Variants in ATP1B1 observed in about 807,000 individuals in gnomAD.
ATP1B1 encodes ATPase Na+/K+ transporting subunit beta 1, also known as sodium/potassium-transporting ATPase subunit beta-1.
A neutral mutation model predicts 39.6 loss-of-function variants in ATP1B1; 3 were observed. The observed-to-expected ratio is 0.08, with a 90% confidence interval of 0.03 to 0.20. ATP1B1 has a LOEUF of 0.20. Ranked by LOEUF, ATP1B1 falls within the 10% of genes least tolerant of loss-of-function variation. ATP1B1 has a pLI of 1.00. For synonymous variants in ATP1B1, 139 were observed against 135.0 expected (o/e 1.03, Z -0.20); for missense variants, 216 against 371.1 (o/e 0.58, Z 3.43).
intron 5 of ATP1B1, among the ~76,000 whole-genome samples, chr1:169,130,664 G>A (rs1374951462): frequency 1.3e-5 from 2 of 151,294 alleles, no homozygotes; most frequent in African/African-American, 4.9e-5. Context: ...GCGCGTGCCT[G>A]TAATCCCAGC....
chr1:169,130,851 C>T (rs1658200863), intron 5 of ATP1B1, among the ~76,000 whole-genome samples: 1 of 148,868 alleles, frequency 6.7e-6, no homozygotes, highest in Non-Finnish European at 1.5e-5. Context: ...CCTTTGGATC[C>T]AAAAACTAAT....
At chr1:169,110,821 G>A in intron 1 of ATP1B1, 1 of 535,524 alleles carries the variant, frequency 1.9e-6, no homozygotes, top group Non-Finnish European at 2.8e-6. Flanking sequence ...AAAAAAAACA[G>A]GAGGATATCA....
At position 169,111,510 on chromosome 1, in the gene ATP1B1, A is replaced by G. The variant is rs1657731434; in HGVS notation, c.226+12A>G. 6.2e-7 allele frequency: 1 copy of G among 1,612,342 alleles called. No individual in the cohort carries two copies. Among genetic ancestry groups the G allele is most frequent in the Non-Finnish European group, 8.5e-7 (1 of 1,179,102 alleles). ...AGTGGCCCCGCCAGGTAAAATCCACATGAATAGCTTCATTTCCTTCAGAGA... is the reference window on the plus strand; with the variant it reads ...AGTGGCCCCGCCAGGTAAAATCCACGTGAATAGCTTCATTTCCTTCAGAGA... On this transcript the variant is annotated intron_variant, in intron 2 of 5. Transcript: ENST00000367815.
intron 2 of ATP1B1, among the ~76,000 whole-genome samples, chr1:169,120,356 G>A (rs1657949438): frequency 6.6e-6 from 1 of 152,118 alleles, no homozygotes; most frequent in Non-Finnish European, 1.5e-5. Flanking sequence ...TAAATGAATG[G>A]TCATTAAGGC....
At chr1:169,115,826 A>C (rs1657833032) in intron 2 of ATP1B1, among the ~76,000 whole-genome samples, 1 of 152,258 alleles carries the variant, frequency 6.6e-6, no homozygotes, top group Non-Finnish European at 1.5e-5. Flanking sequence ...TAAAAATTTT[A>C]AAGTGAATTT....
In ATP1B1 at chr1:169,106,784, A is replaced by C. The variant is rs368576961; in HGVS notation, c.-46A>C. On this transcript the variant is annotated 5_prime_UTR_variant, in exon 1 of 6. Transcript: ENST00000367815. ...CAGAGGACGCCAGGGCGCGCGCCGCAGCCACCCACCCTCCGGACCGCGGCA... is the reference window on the plus strand; with the variant it reads ...CAGAGGACGCCAGGGCGCGCGCCGCCGCCACCCACCCTCCGGACCGCGGCA... The C allele has an allele frequency of 1.2e-4, 186 of 1,508,134 alleles. No individual in the cohort carries two copies. In the African/African-American group the frequency reaches 1.7e-3, roughly 14 times the overall value. The allele number at this position is 1,508,134 out of a possible 1,614,324, so 93.4% of individuals were successfully genotyped here.
At chr1:169,113,842 C>G (rs961521069) in intron 2 of ATP1B1, among the ~76,000 whole-genome samples, 16 of 152,202 alleles carry the variant, frequency 1.1e-4, no homozygotes, top group African/African-American at 3.9e-4. Flanking sequence ...GTCCTCAGTC[C>G]TCCATCTTCC....
chr1:169,111,629 A>C, intron 2 of ATP1B1, 131 bp downstream of exon 2: 1 of 1,306,048 alleles, frequency 7.7e-7, no homozygotes, highest in Non-Finnish European at 1.0e-6. Flanking sequence ...GGAAAAGAGA[A>C]ACTTCTCTCG....
At chr1:169,125,337 G>A (rs191430137) in intron 3 of ATP1B1, among the ~76,000 whole-genome samples, 2 of 115,174 alleles carry the variant, frequency 1.7e-5, no homozygotes, top group Non-Finnish European at 3.3e-5. Context: ...TCTTACATCC[G>A]TTGAAAAGTA....
At chr1:169,111,569 AT>A in intron 2 of ATP1B1, 71 bp downstream of exon 2, 1 of 1,559,292 alleles carries the variant, frequency 6.4e-7, no homozygotes, top group Non-Finnish European at 8.7e-7. Context: ...TTGAGAAAAA[AT>A]TCTTTGGAAA....
chr1:169,130,573 G>GGT (rs1658189890), intron 5 of ATP1B1, among the ~76,000 whole-genome samples: 1 of 152,018 alleles, frequency 6.6e-6, no homozygotes, highest in South Asian at 2.1e-4. Flanking sequence ...CAGATAATGA[G>GGT]GTCAAGAGTT....
chr1:169,128,939 C>G (rs1658144964), intron 4 of ATP1B1, among the ~76,000 whole-genome samples: 1 of 152,142 alleles, frequency 6.6e-6, no homozygotes, highest in Non-Finnish European at 1.5e-5. Context: ...CTGCCTAATT[C>G]ATCACCTCCA....
chr1:169,109,768 G>T (rs1477610343), intron 1 of ATP1B1, among the ~76,000 whole-genome samples: 1 of 151,536 alleles, frequency 6.6e-6, no homozygotes, highest in Admixed American at 6.6e-5. Context: ...GCACCAAGAT[G>T]AGGTGGGGGT....
chr1:169,106,794 C>T lies in ATP1B1; in HGVS notation c.-36C>T. 11 of 1,545,334 alleles carry T rather than the reference C, an allele frequency of 7.1e-6. No homozygotes were observed. Among genetic ancestry groups the T allele is most frequent in the African/African-American group, 1.4e-5 (1 of 70,186 alleles). On this transcript the variant is annotated 5_prime_UTR_variant, in exon 1 of 6. Transcript: ENST00000367815. Reference sequence around the variant, plus strand: ...CAGGGCGCGCGCCGCAGCCACCCACCCTCCGGACCGCGGCAGCTGCTGACC... The same window carrying T: ...CAGGGCGCGCGCCGCAGCCACCCACTCTCCGGACCGCGGCAGCTGCTGACC...
intron 2 of ATP1B1, among the ~76,000 whole-genome samples, chr1:169,119,248 C>A (rs1466509540): frequency 6.6e-6 from 1 of 152,172 alleles, no homozygotes; most frequent in Non-Finnish European, 1.5e-5. Flanking sequence ...TAAAATTTTA[C>A]ATACCCAGAT....
chr1:169,130,657 C>T (rs908103300), intron 5 of ATP1B1, among the ~76,000 whole-genome samples: 5 of 151,832 alleles, frequency 3.3e-5, no homozygotes, highest in African/African-American at 7.3e-5. Flanking sequence ...CGTGGCGGCG[C>T]GTGCCTGTAA....
chr1:169,126,086 CA>C (rs1658080035), intron 3 of ATP1B1, among the ~76,000 whole-genome samples: 1 of 152,176 alleles, frequency 6.6e-6, no homozygotes, highest in African/African-American at 2.4e-5. Flanking sequence ...CTTTATAAGG[CA>C]GGCTGTGGCT....
chr1:169,129,031 T>C (rs973558369), intron 4 of ATP1B1, among the ~76,000 whole-genome samples: 10 of 152,206 alleles, frequency 6.6e-5, no homozygotes, highest in Admixed American at 5.2e-4. Context: ...CATTGGAGGA[T>C]AGATTCTGGC....
At position 169,127,243 on chromosome 1, in the gene ATP1B1, A is replaced by G. The variant is rs201640017; in HGVS notation, c.402A>G (p.Lys134=). Residue 134 remains lysine, a synonymous_variant, in exon 4 of 6, where the codon AAA becomes AAG. Transcript: ENST00000367815. ...TTTTAGATGTGCCCAGTGAACCGAA[A>G]GAACGAGGAGACTTTAATCATGAAC... ...EDCGDVPSEP[K]ERGDFNHERG... 1 of 1,580,294 alleles carries G rather than the reference A, an allele frequency of 6.3e-7. No individual in the cohort carries two copies. The highest frequency in any genetic ancestry group is 8.5e-7 in the Non-Finnish European group (1 of 1,170,150).
Sources: allele counts gnomAD v4.1 joint callset (sites outside exome capture counted in the v4.1 genomes callset), GRCh38; gene constraint gnomAD v4.1.1; transcripts MANE v1.5; gene names NCBI Gene and HGNC (gene_info 2026-07-23, HGNC 2026-07-21).